PROKR2: variants seen among roughly 807,000 people sequenced by gnomAD.
PROKR2 encodes G protein-coupled receptor 73-like 1.
PROKR2 carries 26 observed loss-of-function variants against 23.4 expected under a neutral mutation model. The observed-to-expected ratio is 1.11, with a 90% CI of 0.81 to 1.54. The LOEUF (loss-of-function observed/expected upper bound fraction) is 1.54. Ranked by LOEUF, PROKR2 falls within the 40% of genes most tolerant of loss-of-function variation. PROKR2 has a pLI of 0.00. For missense variants in PROKR2, 453 were observed against 511.5 expected (o/e 0.89, Z 1.10); for synonymous variants, 212 against 201.2 (o/e 1.05, Z -0.45).
rs758370883 is a variant in PROKR2 at position 5,315,621 on chromosome 20, C to A, written c.-9+873G>T. The stretch of plus-strand genomic sequence containing the variant: ...GAACAATGCATTTGGTCCACTCCTG[C>A]GAGGGGAGGAGAACGCCGAGGGACA... On this transcript the variant is annotated intron_variant, in intron 1 of 2. Transcript: ENST00000678254. 4.8e-4 allele frequency: 166 copies of A among 347,904 alleles called. 1 individual carries two copies. Among genetic ancestry groups the A allele is most frequent in the Middle Eastern group, 4.0e-3 (4 of 992 alleles). 21.6% of individuals were successfully genotyped at this position (347,904 alleles called of 1,614,324 possible). A position where few individuals can be genotyped will look rare whatever the true frequency, so the allele number is the denominator to read the frequency against.
rs148408639 is a variant in PROKR2 at position 5,299,787 on chromosome 20, C to G, written c.*2253G>C. On this transcript the variant is annotated 3_prime_UTR_variant, in exon 3 of 3. Transcript: ENST00000678254. The stretch of plus-strand genomic sequence containing the variant: ...CCACAGGCATGTGCCACCACGCCAG[C>G]TAATTTCTGTATTTTTCTAGAGATG... Among the ~76,000 whole-genome samples, 2,495 of 132,074 alleles carry G rather than the reference C, an allele frequency of 0.019. 18 individuals are homozygous for G. The highest frequency in any genetic ancestry group is 0.041 in the Middle Eastern group (11 of 270). The allele number at this position is 132,074 out of a possible 152,430, so 86.6% of individuals were successfully genotyped here.
In PROKR2 at chr20:5,314,219, C is replaced by T. The variant is rs144994507; in HGVS notation, c.151G>A (p.Ala51Thr). The T allele has an allele frequency of 2.3e-3, 3,639 of 1,614,074 alleles. 28 individuals are homozygous for T. The highest frequency in any genetic ancestry group is 9.8e-3 in the East Asian group (442 of 44,880). Residue 51 changes from alanine (A) to threonine (T), a missense_variant, in exon 2 of 3, where the codon GCA becomes ACA. By Grantham distance (58) the Ala-to-Thr change is moderately conservative. Coordinates refer to ENST00000678254, the MANE Select transcript of PROKR2 (RefSeq NM_144773.4). ...GCAATGCCAATGACGATCTTGGCTG[C>T]GAAGAAGGTCCGGGTCTTGGTCATG... ...EDMTKTRTFFAAKIVIGIALA... is the reference protein window; with the variant it reads ...EDMTKTRTFFTAKIVIGIALA...
At chr20:5,305,302 A>C (rs1447031129) in intron 2 of PROKR2, among the ~76,000 whole-genome samples, 14 of 152,224 alleles carry the variant, frequency 9.2e-5, no homozygotes, top group Admixed American at 9.2e-4. Context: ...CAGTAGATTT[A>C]TGCTGCACAA....
At chr20:5,315,350 G>A (rs942975486) in intron 1 of PROKR2, among the ~76,000 whole-genome samples, 2 of 152,192 alleles carry the variant, frequency 1.3e-5, no homozygotes, top group African/African-American at 4.8e-5. Context: ...AAGGCACCAT[G>A]TCCTGTCACC....
rs143712674 is a variant in PROKR2, at chr20:5,312,843, G to C, written c.458+1069C>G. Among the ~76,000 whole-genome samples the C allele has an allele frequency of 1.7e-4, 26 of 152,262 alleles. No individual in the cohort carries two copies. In the East Asian group the frequency reaches 5.0e-3, roughly 29 times the overall value. On this transcript the variant is annotated intron_variant, in intron 2 of 2. Coordinates refer to ENST00000678254, the MANE Select transcript of PROKR2 (RefSeq NM_144773.4). ...CTGCAACTGTTCACATAAACAAAAT[G>C]TGTGTAAGATTTGTCATAAACTGCT...
In PROKR2 at chr20:5,314,326, T is replaced by TTAAAG. The variant is rs776060323; in HGVS notation, c.39_43dup (p.Asn15ThrfsTer31). 2.5e-6 allele frequency: 4 copies of TTAAAG among 1,613,980 alleles called. No homozygotes were observed. Among genetic ancestry groups the TTAAAG allele is most frequent in the Non-Finnish European group, 2.5e-6 (3 of 1,180,010 alleles). Reference sequence around the variant, plus strand: ...GGAGGAGGCATGGTCTTGGGGTGGATTAAAGTTGGGTGTGAAACTGGTGTT... The same window carrying TTAAAG: ...GGAGGAGGCATGGTCTTGGGGTGGATTAAAGTAAAGTTGGGTGTGAAACTGGTGTT... On this transcript the variant is annotated frameshift_variant, in exon 2 of 3. Transcript: ENST00000678254. LOFTEE classifies it high-confidence loss of function.
chr20:5,313,411 G>C (rs1979517568), intron 2 of PROKR2, among the ~76,000 whole-genome samples: 1 of 152,212 alleles, frequency 6.6e-6, no homozygotes, highest in African/African-American at 2.4e-5. Context: ...TGACATTAAA[G>C]AACAGGTGAA....
Position 5,300,691 on chromosome 20 carries a change from G to A in PROKR2, c.*1349C>T, listed in dbSNP as rs1978952657. Among the ~76,000 whole-genome samples, 1 of 152,214 alleles carries A rather than the reference G, an allele frequency of 6.6e-6. No individual in the cohort carries two copies. Among genetic ancestry groups the A allele is most frequent in the African/African-American group, 2.4e-5 (1 of 41,446 alleles). ...ATGAATTTAGGACTTGAGTCTTAGAGTTAGGACCTGAACCCAGGTCTTTGG... is the reference window on the plus strand; with the variant it reads ...ATGAATTTAGGACTTGAGTCTTAGAATTAGGACCTGAACCCAGGTCTTTGG... On this transcript the variant is annotated 3_prime_UTR_variant, in exon 3 of 3. Coordinates refer to ENST00000678254, the MANE Select transcript of PROKR2 (RefSeq NM_144773.4).
chr20:5,305,617 A>T (rs1027557146), intron 2 of PROKR2, among the ~76,000 whole-genome samples: 8 of 152,242 alleles, frequency 5.3e-5, no homozygotes, highest in African/African-American at 1.9e-4. Flanking sequence ...CAAATAAACA[A>T]GGCAAAGCAG....
Position 5,316,534 on chromosome 20 carries a change from A to G in PROKR2, c.-49T>C. ...CTTTCTGTGCGCTCTGCTGCTCCGG[A>G]AGCCGGATCGAGAGTCACAGTGTGG... On this transcript the variant is annotated 5_prime_UTR_variant, in exon 1 of 3. Transcript: ENST00000678254. This position sits in a 1 kb window ranked among gnomAD's most constrained non-coding sequence, Gnocchi z 5.0. The G allele has an allele frequency of 2.8e-6, 1 of 359,250 alleles. No individual in the cohort carries two copies. The highest frequency in any genetic ancestry group is 7.5e-5 in the East Asian group (1 of 13,346). The allele number at this position is 359,250 out of a possible 1,614,324, so 22.3% of individuals were successfully genotyped here.
chr20:5,302,299 T>A lies in PROKR2; in HGVS notation c.896A>T (p.Asp299Val), dbSNP rs372968364. The change falls in exon 3 of 3, where the codon GAC becomes GTC. Residue 299 changes from aspartate to valine, a missense_variant. Asp to Val is a radical substitution (Grantham distance 152). Coordinates refer to ENST00000678254, the MANE Select transcript of PROKR2 (RefSeq NM_144773.4). ...APFYGFTIVR[D>V]FFPTVFVKEK... ...CTTCACGAACACAGTGGGGAAGAAG[T>A]CACGAACGATGGTGAAACCGTAGAA... 8.7e-6 allele frequency: 14 copies of A among 1,614,048 alleles called. No homozygotes were observed. Among genetic ancestry groups the A allele is most frequent in the Non-Finnish European group, 1.1e-5 (13 of 1,180,014 alleles).
intron 2 of PROKR2, among the ~76,000 whole-genome samples, chr20:5,311,796 A>G (rs1979454549): frequency 6.6e-6 from 1 of 152,166 alleles, no homozygotes; most frequent in Admixed American, 6.5e-5. Context: ...TCTTTCTCCC[A>G]TGCTGGATGC....
intron 1 of PROKR2, chr20:5,315,842 G>C (rs910971): frequency 0.25 from 112,304 of 456,270 alleles, 14,307 homozygotes; most frequent in Middle Eastern, 0.31. Flanking sequence ...GACCAAGAAT[G>C]GGGAGTCCTA....
intron 2 of PROKR2, among the ~76,000 whole-genome samples, chr20:5,308,913 A>G (rs1979330028): frequency 6.6e-6 from 1 of 152,086 alleles, no homozygotes; most frequent in Non-Finnish European, 1.5e-5. Flanking sequence ...ATTGAATTGC[A>G]TTAGAGGAGA....
At chr20:5,304,208 C>T (rs879652074) in intron 2 of PROKR2, among the ~76,000 whole-genome samples, 13 of 152,058 alleles carry the variant, frequency 8.5e-5, no homozygotes, top group Non-Finnish European at 1.8e-4. Context: ...AATTCAGCAA[C>T]CTAGATGAGA....
chr20:5,311,312 G>A (rs1421419875), intron 2 of PROKR2, among the ~76,000 whole-genome samples: 1 of 152,146 alleles, frequency 6.6e-6, no homozygotes, highest in Non-Finnish European at 1.5e-5. Flanking sequence ...AAGGATGATG[G>A]TAACTTTTCC....
At position 5,316,377 on chromosome 20, in the gene PROKR2, G is replaced by A; in HGVS notation, c.-9+117C>T. 2.2e-6 allele frequency: 1 copy of A among 456,662 alleles called. No individual in the cohort carries two copies. The highest frequency in any genetic ancestry group is 4.4e-6 in the Non-Finnish European group (1 of 226,956). The allele number at this position is 456,662 out of a possible 1,614,324, so 28.3% of individuals were successfully genotyped here. ...AGCCCCGACGCATATCTCGAGAGTG[G>A]CGGGAGGCAAAGCAGCCGGAATGCC... On this transcript the variant is annotated intron_variant, in intron 1 of 2. Transcript: ENST00000678254. This position sits in a 1 kb window ranked among gnomAD's most constrained non-coding sequence, Gnocchi z 5.0.
At chr20:5,305,417 T>C (rs1979182199) in intron 2 of PROKR2, among the ~76,000 whole-genome samples, 1 of 152,364 alleles carries the variant, frequency 6.6e-6, no homozygotes, top group Non-Finnish European at 1.5e-5. Flanking sequence ...AAGGTCTAGC[T>C]TAAATTTAAA....
rs200262756 is a variant in PROKR2, at chr20:5,314,253, C to T, written c.117G>A (p.Glu39=). 5 of 1,614,166 alleles carry T rather than the reference C, an allele frequency of 3.1e-6. No homozygotes were observed. In the Admixed American group the frequency reaches 5.0e-5, roughly 16 times the overall value. Residue 39 remains glutamate, a synonymous_variant, in exon 2 of 3, where the codon GAG becomes GAA. Transcript: ENST00000678254. Reference sequence around the variant, plus strand: ...TCCGGGTCTTGGTCATGTCCTCATCCTCATCCATAGGGAGGTCATAATCAC... The same window carrying T: ...TCCGGGTCTTGGTCATGTCCTCATCTTCATCCATAGGGAGGTCATAATCAC... ...SYGDYDLPMD[E]DEDMTKTRTF...
Sources: allele counts gnomAD v4.1 joint callset (sites outside exome capture counted in the v4.1 genomes callset), GRCh38; gene constraint gnomAD v4.1.1; non-coding constraint Gnocchi (gnomAD v3.1); transcripts MANE v1.5; gene names NCBI Gene and HGNC (gene_info 2026-07-23, HGNC 2026-07-21).